The following CDH12 variants were observed in gnomAD, a reference collection of about 807,000 sequenced individuals.
CDH12 encodes cadherin 12.
CDH12 carries 41 observed loss-of-function variants against 74.1 expected under a neutral mutation model. The observed-to-expected ratio is 0.55, with a 90% confidence interval of 0.43 to 0.72. The LOEUF is 0.72. Among genes scored for constraint, CDH12 ranks in the 30% least tolerant of loss-of-function variants. The pLI is 0.00. For synonymous variants in CDH12, 399 were observed against 355.0 expected (o/e 1.12, Z -1.39); for missense variants, 945 against 977.2 (o/e 0.97, Z 0.44).
chr5:22,236,828 T>G (rs2150378408), intron 3 of CDH12, among the ~76,000 whole-genome samples: 1 of 152,092 alleles, frequency 6.6e-6, no homozygotes, highest in African/African-American at 2.4e-5. Context: ...TTTCACCACC[T>G]TTCACCTCCA....
Position 21,802,151 on chromosome 5 carries a change from T to A in CDH12, c.1256+16A>T, listed in dbSNP as rs763416603. 1.5e-5 allele frequency: 24 copies of A among 1,586,836 alleles called. No homozygotes were observed. The highest frequency in any genetic ancestry group is 9.1e-5 in the South Asian group (8 of 87,678). The stretch of plus-strand genomic sequence containing the variant: ...GTTTTCCTGAAACATAGAAAAAAAA[T>A]GTTTCTTTTTCTCACCTAACAGCAC... On this transcript the variant is annotated intron_variant, in intron 10 of 14. Coordinates refer to ENST00000382254, the MANE Select transcript of CDH12 (RefSeq NM_004061.5).
intron 3 of CDH12, among the ~76,000 whole-genome samples, chr5:22,352,669 C>A (rs1740404514): frequency 6.6e-6 from 1 of 152,102 alleles, no homozygotes; most frequent in East Asian, 1.9e-4. Flanking sequence ...GAAAGAGAAC[C>A]AGTTTGCCAT....
At chr5:22,096,953 A>T (rs1743817418) in intron 4 of CDH12, among the ~76,000 whole-genome samples, 2 of 152,208 alleles carry the variant, frequency 1.3e-5, no homozygotes, top group Non-Finnish European at 2.9e-5. Flanking sequence ...GGTATGCAAT[A>T]ATAGAGTAGA....
At chr5:22,266,422 G>A (rs1736119281) in intron 3 of CDH12, among the ~76,000 whole-genome samples, 2 of 151,978 alleles carry the variant, frequency 1.3e-5, no homozygotes, top group Admixed American at 1.3e-4. Flanking sequence ...TTTTTTATCT[G>A]GAAGAGGATA....
intron 1 of CDH12, among the ~76,000 whole-genome samples, chr5:22,692,245 A>T (rs970265643): frequency 3.3e-5 from 5 of 152,208 alleles, no homozygotes; most frequent in African/African-American, 9.6e-5. Flanking sequence ...TAACAGATGC[A>T]GATGGTGGTG....
chr5:22,449,585 C>T (rs1382490069), intron 2 of CDH12, among the ~76,000 whole-genome samples: 2 of 152,028 alleles, frequency 1.3e-5, no homozygotes, highest in Non-Finnish European at 2.9e-5. Context: ...ACTAAAGATG[C>T]ATAGTCAGAA....
intron 11 of CDH12, among the ~76,000 whole-genome samples, chr5:21,782,803 C>A (rs1189231683): frequency 1.3e-5 from 2 of 152,048 alleles, no homozygotes; most frequent in African/African-American, 4.8e-5. Context: ...CAAGCAGAAA[C>A]CAACTCAACA....
chr5:22,148,557 T>A (rs1346399210), intron 4 of CDH12, among the ~76,000 whole-genome samples: 1 of 152,014 alleles, frequency 6.6e-6, no homozygotes, highest in African/African-American at 2.4e-5. Context: ...TGATTTTTTT[T>A]ACAGTTCAGA....
chr5:22,554,025 A>G (rs1738688535), intron 1 of CDH12, among the ~76,000 whole-genome samples: 1 of 152,234 alleles, frequency 6.6e-6, no homozygotes, highest in Admixed American at 6.5e-5. Flanking sequence ...CATATCTACT[A>G]TAATGTCTAT....
intron 4 of CDH12, among the ~76,000 whole-genome samples, chr5:22,162,820 C>A (rs1454438820): frequency 6.6e-6 from 1 of 151,510 alleles, no homozygotes; most frequent in Admixed American, 6.6e-5. Context: ...CCTTACCTAG[C>A]TCTCAATACA....
chr5:22,821,769 G>T (rs1469419582), intron 1 of CDH12, among the ~76,000 whole-genome samples: 6 of 150,992 alleles, frequency 4.0e-5, no homozygotes, highest in Non-Finnish European at 8.9e-5. Flanking sequence ...ATGCTCATGG[G>T]TAGGAAGAAT....
At chr5:22,007,938 G>C (rs1460811364) in intron 5 of CDH12, among the ~76,000 whole-genome samples, 3 of 152,026 alleles carry the variant, frequency 2.0e-5, no homozygotes, top group Admixed American at 6.6e-5. Flanking sequence ...TATATGTGTT[G>C]TGTACATGCA....
intron 1 of CDH12, among the ~76,000 whole-genome samples, chr5:22,656,619 T>C (rs1740049740): frequency 6.6e-6 from 1 of 152,188 alleles, no homozygotes. Context: ...GTGAAAATAT[T>C]TGGCAGTGTC....
intron 1 of CDH12, among the ~76,000 whole-genome samples, chr5:22,697,445 C>G (rs1308693873): frequency 6.6e-6 from 1 of 151,416 alleles, no homozygotes; most frequent in African/African-American, 2.4e-5. Context: ...GGTGGCGGGC[C>G]CCTGTGGTCC....
intron 9 of CDH12, among the ~76,000 whole-genome samples, chr5:21,802,942 G>A (rs1747218936): frequency 6.6e-6 from 1 of 152,088 alleles, no homozygotes; most frequent in Non-Finnish European, 1.5e-5. Context: ...AAGATCATCA[G>A]TTGCCTATGT....
intron 1 of CDH12, among the ~76,000 whole-genome samples, chr5:22,602,405 T>A (rs1445286028): frequency 6.6e-6 from 1 of 152,140 alleles, no homozygotes; most frequent in Non-Finnish European, 1.5e-5. Flanking sequence ...AGCTTATAAA[T>A]AACTAAAACA....
At chr5:22,046,036 A>C (rs535168295) in intron 5 of CDH12, among the ~76,000 whole-genome samples, 1 of 152,326 alleles carries the variant, frequency 6.6e-6, no homozygotes, top group East Asian at 1.9e-4. Context: ...AAATAAAATA[A>C]AACTTAGAAG....
chr5:22,631,212 T>A (rs1738567825), intron 1 of CDH12, among the ~76,000 whole-genome samples: 1 of 152,190 alleles, frequency 6.6e-6, no homozygotes, highest in Admixed American at 6.6e-5. Flanking sequence ...TTAGCCATTG[T>A]GGAAAGCAGT....
intron 4 of CDH12, among the ~76,000 whole-genome samples, chr5:22,165,425 T>C (rs1281241804): frequency 2.0e-5 from 3 of 152,146 alleles, no homozygotes; most frequent in Non-Finnish European, 2.9e-5. Flanking sequence ...ACTTTTTCAA[T>C]GGATGAATGT....
Sources: gnomAD v4.1 joint callset for allele counts (sites outside exome capture counted in the v4.1 genomes callset) on GRCh38, gnomAD v4.1.1 for gene constraint, MANE v1.5 for transcripts, NCBI Gene and HGNC (gene_info 2026-07-23, HGNC 2026-07-21) for gene names.